The following SYNE2 variants were observed in gnomAD, a reference collection of about 807,000 sequenced individuals.
SYNE2 encodes nesprin-2.
In SYNE2, 431 loss-of-function variants were observed where a neutral mutation model predicts 856.3. That is an observed-to-expected ratio of 0.50 (90% CI 0.47 to 0.55). SYNE2 has a LOEUF of 0.55. SYNE2 is among the 20% of genes least tolerant of loss of function. The pLI, the probability that SYNE2 is intolerant of heterozygous loss-of-function variation, is 0.00. For missense variants in SYNE2, 8,129 were observed against 8,023.2 expected (o/e 1.01, Z -0.50); for synonymous variants, 2,923 against 2,872.3 (o/e 1.02, Z -0.56).
In SYNE2 at chr14:64,074,044, A is replaced by G; in HGVS notation, c.10774A>G (p.Ile3592Val). ...AGAAAGACATTCCTTCACAAAAGAG[A>G]TAATTGCTTTGAAGAATTTCTTTCA... ...IQERHSFTKE[I>V]IALKNFFQQT... is the part of the protein sequence containing the mutation. The change falls in exon 53 of 116, where the codon ATA becomes GTA. Residue 3592 changes from isoleucine (I) to valine (V), a missense_variant. Around this residue, in one of 3 missense-constraint regions of SYNE2, gnomAD observed 5,410 missense variants for 5,284.8 expected, o/e 1.02. Transcript: ENST00000555002. 6.2e-7 allele frequency: 1 copy of G among 1,614,212 alleles called. No homozygotes were observed. Among genetic ancestry groups the G allele is most frequent in the Non-Finnish European group, 8.5e-7 (1 of 1,179,996 alleles).
chr14:64,164,244 G>A (rs970940033), intron 89 of SYNE2, among the ~76,000 whole-genome samples: 7 of 152,136 alleles, frequency 4.6e-5, no homozygotes, highest in African/African-American at 1.7e-4. Flanking sequence ...CGAGTAGCTG[G>A]GACTACAGGT....
At position 64,220,490 on chromosome 14, in the gene SYNE2, G is replaced by C; in HGVS notation, c.19914G>C (p.Val6638=). 6.2e-7 allele frequency: 1 copy of C among 1,614,200 alleles called. No homozygotes were observed. The highest frequency in any genetic ancestry group is 1.7e-5 in the Admixed American group (1 of 60,018). The change falls in exon 111 of 116, where the codon GTG becomes GTC. Residue 6638 remains valine (V), a synonymous_variant. Coordinates refer to ENST00000555002, the MANE Select transcript of SYNE2 (RefSeq NM_182914.3). ...TYKALVVSVN[V]SSKEFLQTES... ...AGGCATTAGTGGTCTCTGTCAACGT[G>C]AGCAGCAAGGAATTTCTGCAAACCG...
rs1307298080 is a variant in SYNE2 at position 64,152,547 on chromosome 14, T to C, written c.15640-17T>C. On this transcript the variant is annotated splice_polypyrimidine_tract_variant and intron_variant, in intron 84 of 115. Transcript: ENST00000555002. ...GTAATATTGTGCATTGAAAACCTTT[T>C]CCTCTTACTCTTCCAGGATATAGAA... is the stretch of plus-strand genomic sequence containing the variant. 3 of 1,613,814 alleles carry C rather than the reference T, an allele frequency of 1.9e-6. No homozygotes were observed. Among genetic ancestry groups the C allele is most frequent in the Non-Finnish European group, 2.5e-6 (3 of 1,179,830 alleles).
intron 49 of SYNE2, among the ~76,000 whole-genome samples, chr14:64,061,143 T>C (rs1275590805): frequency 6.6e-6 from 1 of 152,218 alleles, no homozygotes; most frequent in Non-Finnish European, 1.5e-5. Flanking sequence ...TGTATGGAGA[T>C]AGGTGTCAAA....
At chr14:63,804,992 T>A (rs374380048) in intron 1 of SYNE2, among the ~76,000 whole-genome samples, 25 of 152,330 alleles carry the variant, frequency 1.6e-4, no homozygotes, top group African/African-American at 4.6e-4. Context: ...ATTTATTGAA[T>A]AAGGAGTCCT....
At chr14:63,856,201 A>T (rs1284403532) in intron 1 of SYNE2, among the ~76,000 whole-genome samples, 13 of 152,224 alleles carry the variant, frequency 8.5e-5, no homozygotes, top group Admixed American at 8.5e-4. Flanking sequence ...GTGTCAGATC[A>T]TGCAGGGCCT....
chr14:63,923,707 A>G (rs145584336), intron 2 of SYNE2, among the ~76,000 whole-genome samples: 4 of 152,328 alleles, frequency 2.6e-5, no homozygotes, highest in African/African-American at 9.6e-5. Flanking sequence ...TTTGACATCA[A>G]ATTCACATAC....
chr14:63,815,600 C>T (rs1180317459), intron 1 of SYNE2, among the ~76,000 whole-genome samples: 1 of 152,094 alleles, frequency 6.6e-6, no homozygotes, highest in African/African-American at 2.4e-5. Context: ...AGGATCAATA[C>T]TTTGCATCCT....
chr14:64,184,493 A>G (rs2098478950), intron 96 of SYNE2, among the ~76,000 whole-genome samples: 1 of 152,136 alleles, frequency 6.6e-6, no homozygotes, highest in Non-Finnish European at 1.5e-5. Context: ...AACCAAACTG[A>G]TTGAAACCTG....
intron 1 of SYNE2, among the ~76,000 whole-genome samples, chr14:63,840,094 C>A (rs540674975): frequency 2.0e-5 from 3 of 152,226 alleles, no homozygotes; most frequent in South Asian, 4.2e-4. Flanking sequence ...CATGGTGAAA[C>A]CTCCTCTCTA....
In SYNE2 at chr14:63,948,639, C is replaced by T. The variant is rs146959335; in HGVS notation, c.409-1186C>T. On this transcript the variant is annotated intron_variant, in intron 6 of 115. Coordinates refer to ENST00000555002, the MANE Select transcript of SYNE2 (RefSeq NM_182914.3). ...TTGCACCACTGCCCTCCAGCGTGGG[C>T]GACGGAGCGAGACTCCATCTCAAAA... Among the ~76,000 whole-genome samples, 369 of 137,444 alleles carry T rather than the reference C, an allele frequency of 2.7e-3. 3 individuals are homozygous for T. Among genetic ancestry groups the T allele is most frequent in the South Asian group, 0.017 (72 of 4,250 alleles). 90.2% of individuals were successfully genotyped at this position (137,444 alleles called of 152,430 possible).
At chr14:64,085,144 C>T (rs1438457865) in intron 57 of SYNE2, 4 of 612,808 alleles carry the variant, frequency 6.5e-6, no homozygotes, top group Non-Finnish European at 1.2e-5. Flanking sequence ...ACAATGTCGG[C>T]TCACTGCAGC....
rs147261969 is a variant in SYNE2, at chr14:63,774,774, T to C, written c.-305+12788T>C. Among the ~76,000 whole-genome samples, 118 of 152,086 alleles carry C rather than the reference T, an allele frequency of 7.8e-4. No individual in the cohort carries two copies. The Middle Eastern group carries it at 0.01, about 13-fold the overall frequency. On this transcript the variant is annotated intron_variant, in intron 1 of 23. Coordinates refer to the SYNE2 transcript ENST00000674003. ...TAAATTATTGTATTAATAATTGTCT[T>C]CATATGCTATAACAAAATGCCATAA...
At chr14:64,057,808 C>T (rs947568731) in intron 49 of SYNE2, among the ~76,000 whole-genome samples, 29 of 152,170 alleles carry the variant, frequency 1.9e-4, no homozygotes, top group Non-Finnish European at 2.9e-5. Flanking sequence ...TGGCTAAAAG[C>T]CATTTTAACT....
intron 1 of SYNE2, among the ~76,000 whole-genome samples, chr14:63,814,299 AAGAAC>A (rs903286314): frequency 6.7e-6 from 1 of 150,372 alleles, no homozygotes; most frequent in Non-Finnish European, 1.5e-5. Context: ...CAAACAAACA[AAGAAC>A]AGAACAAAAC....
At chr14:64,213,808 A>T (rs2140238401) in intron 105 of SYNE2, among the ~76,000 whole-genome samples, 1 of 152,326 alleles carries the variant, frequency 6.6e-6, no homozygotes, top group Admixed American at 6.5e-5. Context: ...TTGAAGTTTG[A>T]GTCTTACCCA....
At chr14:64,045,660 G>T (rs1312375569) in intron 45 of SYNE2, among the ~76,000 whole-genome samples, 1 of 152,190 alleles carries the variant, frequency 6.6e-6, no homozygotes, top group Non-Finnish European at 1.5e-5. Flanking sequence ...TGAATACATT[G>T]TTGGAACCTG....
chr14:64,088,751 G>A (rs1186232966), intron 58 of SYNE2, among the ~76,000 whole-genome samples: 4 of 152,202 alleles, frequency 2.6e-5, no homozygotes, highest in Non-Finnish European at 4.4e-5. Context: ...TTTAAAGATA[G>A]AGTCACATAG....
At chr14:63,814,869 CATATATATCCAT>C (rs1158314089) in intron 1 of SYNE2, among the ~76,000 whole-genome samples, 1,042 of 49,270 alleles carry the variant, frequency 0.021, 39 homozygotes, top group Middle Eastern at 0.12. Context: ...TATATCTCTC[CATATATATCCAT>C]ATATATATCC....
Sources: gnomAD v4.1 joint callset for allele counts (sites outside exome capture counted in the v4.1 genomes callset) on GRCh38, gnomAD v4.1.1 for gene constraint, gnomAD v4.1.1 regional missense constraint, MANE v1.5 for transcripts, NCBI Gene and HGNC (gene_info 2026-07-23, HGNC 2026-07-21) for gene names.